The following EYS variants were observed in gnomAD, a reference collection of about 807,000 sequenced individuals.
EYS encodes the protein protein eyes shut homolog.
EYS carries 250 observed loss-of-function variants against 282.1 expected under a neutral mutation model. The ratio of observed to expected loss-of-function variants is 0.89; its 90% CI spans 0.80 to 0.98. EYS has a LOEUF of 0.98. Among genes scored for constraint, EYS ranks in the 50% least tolerant of loss-of-function variants. EYS has a pLI of 0.00. For missense variants in EYS, 4,016 were observed against 3,709.0 expected (o/e 1.08, Z -2.15); for synonymous variants, 1,355 against 1,282.9 (o/e 1.06, Z -1.20).
At chr6:64,020,810 C>T (rs998788069) in intron 33 of EYS, among the ~76,000 whole-genome samples, 15 of 152,064 alleles carry the variant, frequency 9.9e-5, no homozygotes, top group African/African-American at 3.6e-4. Flanking sequence ...AGATAATGTC[C>T]TAATCTTGGG....
intron 27 of EYS, among the ~76,000 whole-genome samples, chr6:64,438,857 A>G (rs554700433): frequency 1.3e-5 from 2 of 151,626 alleles, no homozygotes; most frequent in Middle Eastern, 3.4e-3. Context: ...TGAGCAAAAT[A>G]CTCTGACAAT....
At chr6:65,284,205 A>C (rs558456621) in intron 12 of EYS, among the ~76,000 whole-genome samples, 38 of 152,234 alleles carry the variant, frequency 2.5e-4, no homozygotes, top group Admixed American at 5.2e-4. Context: ...TGGGGAAGCT[A>C]ATGGCTACCA....
chr6:64,323,752 T>C (rs1770302954), intron 29 of EYS, among the ~76,000 whole-genome samples: 1 of 152,156 alleles, frequency 6.6e-6, no homozygotes, highest in South Asian at 2.1e-4. Context: ...AATAAAATGC[T>C]GTACAACTAC....
intron 19 of EYS, among the ~76,000 whole-genome samples, chr6:64,845,227 G>T (rs1321965865): frequency 6.6e-6 from 1 of 152,002 alleles, no homozygotes; most frequent in Non-Finnish European, 1.5e-5. Context: ...GGAGGCAAAG[G>T]TTGTAATGAG....
chr6:64,578,597 T>TTGTGTG (rs144119735), intron 26 of EYS, among the ~76,000 whole-genome samples: 10 of 147,918 alleles, frequency 6.8e-5, no homozygotes, highest in African/African-American at 2.2e-4. Context: ...CTCTCTCTCT[T>TTGTGTG]TGTGTGTGTG....
chr6:65,598,190 GGTGGTA>G (rs1179080015), intron 2 of EYS, among the ~76,000 whole-genome samples: 2 of 149,630 alleles, frequency 1.3e-5, no homozygotes, highest in Non-Finnish European at 3.0e-5. Flanking sequence ...TCTACCACAG[GGTGGTA>G]GTAATAGATT....
At chr6:64,323,227 T>C (rs1045049854) in intron 29 of EYS, among the ~76,000 whole-genome samples, 1 of 78,884 alleles carries the variant, frequency 1.3e-5, no homozygotes, top group Non-Finnish European at 3.0e-5. Context: ...GCTAGGGAAT[T>C]ACTAATATTA....
At chr6:65,570,132 TA>T (rs889811636) in intron 2 of EYS, among the ~76,000 whole-genome samples, 5 of 82,960 alleles carry the variant, frequency 6.0e-5, no homozygotes, top group Non-Finnish European at 1.2e-4. Flanking sequence ...AAAAATAAAA[TA>T]AAAAAAAGTT....
At chr6:64,109,435 C>T (rs1773134901) in intron 31 of EYS, among the ~76,000 whole-genome samples, 1 of 151,840 alleles carries the variant, frequency 6.6e-6, no homozygotes, top group Non-Finnish European at 1.5e-5. Context: ...AATTATATTT[C>T]TATGTAATAT....
intron 9 of EYS, among the ~76,000 whole-genome samples, chr6:65,348,367 C>T (rs1307741220): frequency 6.6e-6 from 1 of 151,664 alleles, no homozygotes; most frequent in Non-Finnish European, 1.5e-5. Context: ...TACAAGGGTT[C>T]CCTTTTCTAT....
chr6:64,775,258 C>T (rs928925611), intron 22 of EYS, among the ~76,000 whole-genome samples: 3 of 151,984 alleles, frequency 2.0e-5, no homozygotes, highest in Non-Finnish European at 4.4e-5. Context: ...TAGACTTCTG[C>T]TCATCCTTGC....
At chr6:65,379,218 T>A (rs922563456) in intron 8 of EYS, among the ~76,000 whole-genome samples, 1 of 151,954 alleles carries the variant, frequency 6.6e-6, no homozygotes, top group Non-Finnish European at 1.5e-5. Context: ...AAATCCTCAA[T>A]AAAATACTGG....
At chr6:65,227,695 A>G (rs1185608007) in intron 12 of EYS, among the ~76,000 whole-genome samples, 6 of 152,296 alleles carry the variant, frequency 3.9e-5, no homozygotes, top group African/African-American at 1.4e-4. Context: ...TGATGAATGA[A>G]TAAACAAAAT....
intron 6 of EYS, among the ~76,000 whole-genome samples, chr6:65,404,665 A>C (rs1766650781): frequency 6.6e-6 from 1 of 151,980 alleles, no homozygotes. Context: ...TCTTCTCAGC[A>C]AAAGTTCAGC....
chr6:65,583,579 G>A (rs354356), intron 2 of EYS, among the ~76,000 whole-genome samples: 2,172 of 152,072 alleles, frequency 0.014, 42 homozygotes, highest in African/African-American at 0.048. Flanking sequence ...AAAAGTTTGA[G>A]TTTCCATTTT....
At chr6:65,396,937 C>A (rs187292859) in intron 7 of EYS, among the ~76,000 whole-genome samples, 1 of 151,730 alleles carries the variant, frequency 6.6e-6, no homozygotes, top group Non-Finnish European at 1.5e-5. Flanking sequence ...CCCATTTCTA[C>A]TACTATCTAA....
chr6:63,875,959 G>C (rs1383651928), intron 35 of EYS, among the ~76,000 whole-genome samples: 1 of 152,094 alleles, frequency 6.6e-6, no homozygotes, highest in Non-Finnish European at 1.5e-5. Context: ...AGTTTTTTGT[G>C]TCTCTATCTC....
rs532471749 is a variant in EYS, at chr6:65,361,387, T to A, written c.1300-7770A>T. On this transcript the variant is annotated intron_variant, in intron 8 of 42. Coordinates refer to ENST00000503581, the MANE Select transcript of EYS (RefSeq NM_001142800.2). ...ATAAAAAAAAAGAAATACTCATATA[T>A]GGATATGTGAATGATCAATTTAATT... Among the ~76,000 whole-genome samples, 12 of 152,142 alleles carry A rather than the reference T, an allele frequency of 7.9e-5. No homozygotes were observed. In the East Asian group the frequency reaches 1.7e-3, roughly 22 times the overall value.
intron 29 of EYS, among the ~76,000 whole-genome samples, chr6:64,309,401 G>A (rs998191301): frequency 1.3e-5 from 2 of 151,994 alleles, no homozygotes; most frequent in African/African-American, 4.8e-5. Context: ...TTGAAAAATG[G>A]CAAGAAAAAA....
Sources: allele counts gnomAD v4.1 joint callset (sites outside exome capture counted in the v4.1 genomes callset), GRCh38; gene constraint gnomAD v4.1.1; transcripts MANE v1.5; gene names NCBI Gene and HGNC (gene_info 2026-07-23, HGNC 2026-07-21).